The following ACVR1B variants were observed in gnomAD, a reference collection of about 807,000 sequenced individuals.
The protein encoded by ACVR1B is activin A receptor type 1B.
ACVR1B carries 15 observed loss-of-function variants against 55.6 expected under a neutral mutation model. The observed-to-expected ratio is 0.27, with a 90% CI of 0.18 to 0.42. The LOEUF (loss-of-function observed/expected upper bound fraction) is 0.42, where lower values mean the gene tolerates loss of function less well. Ranked by LOEUF, ACVR1B falls within the 10% of genes least tolerant of loss-of-function variation. The pLI is 1.00. For missense variants in ACVR1B, 359 were observed against 670.1 expected, an observed-to-expected ratio of 0.54 and a Z score of 5.13; for synonymous variants, 247 against 254.6, an observed-to-expected ratio of 0.97 and a Z score of 0.28.
At chr12:51,952,504 G>C (rs1941321733) in intron 1 of ACVR1B, among the ~76,000 whole-genome samples, 1 of 152,188 alleles carries the variant, frequency 6.6e-6, no homozygotes, top group African/African-American at 2.4e-5. Flanking sequence ...ATGCCCCGTG[G>C]AGGCTATTTG....
intron 1 of ACVR1B, among the ~76,000 whole-genome samples, chr12:51,963,099 A>G (rs1180812271): frequency 2.0e-5 from 3 of 152,188 alleles, no homozygotes; most frequent in African/African-American, 7.2e-5. Flanking sequence ...ATAGGGATTT[A>G]TGGTAGTAAT....
Position 51,984,137 on chromosome 12 carries a change from A to C in ACVR1B, c.950A>C (p.His317Pro). ...LALSAASGLAHLHMEIVGTQG... is the reference protein window; with the variant it reads ...LALSAASGLAPLHMEIVGTQG... Reference sequence around the variant, plus strand: ...TTGTCTGCTGCTAGTGGGCTGGCACACCTGCACATGGAGATCGTGGGCACC... The same window carrying C: ...TTGTCTGCTGCTAGTGGGCTGGCACCCCTGCACATGGAGATCGTGGGCACC... Residue 317 changes from histidine (H) to proline (P), a missense_variant, in exon 5 of 9, where the codon CAC becomes CCC. His to Pro is a moderately conservative substitution (Grantham distance 77). Around this residue, in one of 5 missense-constraint regions of ACVR1B, gnomAD observed 119 missense variants for 340.2 expected, o/e 0.35. Transcript: ENST00000257963. 1 of 1,614,188 alleles carries C rather than the reference A, an allele frequency of 6.2e-7. No homozygotes were observed.
chr12:51,993,856 C>A, intron 8 of ACVR1B, 129 bp from the exon 9 acceptor site: 1 of 1,093,044 alleles, frequency 9.1e-7, no homozygotes, highest in Non-Finnish European at 1.2e-6. Context: ...CTAAGGTCGG[C>A]CGCCGGGTGG....
intron 1 of ACVR1B, chr12:51,953,465 T>C (rs1941349827): frequency 5.1e-6 from 5 of 985,326 alleles, no homozygotes; most frequent in Non-Finnish European, 6.0e-6. Context: ...TTGAGAAACA[T>C]GGTGAAGGTG....
rs548356331 is a variant in ACVR1B at position 51,952,210 on chromosome 12, C to T, written c.91+376C>T. On this transcript the variant is annotated intron_variant, in intron 1 of 8. Transcript: ENST00000257963. ...ACCGTGTCCAGGGGCGGGGGGCTTTCTTCCCTCCCTCCAGGTGCTCCTGGG... is the reference window on the plus strand; with the variant it reads ...ACCGTGTCCAGGGGCGGGGGGCTTTTTTCCCTCCCTCCAGGTGCTCCTGGG... Among the ~76,000 whole-genome samples the T allele has an allele frequency of 1.2e-4, 18 of 152,268 alleles. No individual in the cohort carries two copies. The South Asian group carries it at 3.3e-3, about 28-fold the overall frequency.
In ACVR1B at chr12:51,981,209, G is replaced by A. The variant is rs1276001655; in HGVS notation, c.811+10G>A. The A allele has an allele frequency of 2.5e-6, 4 of 1,611,326 alleles. No homozygotes were observed. The highest frequency in any genetic ancestry group is 3.4e-6 in the Non-Finnish European group (4 of 1,177,622). The stretch of plus-strand genomic sequence containing the variant: ...GCTGCTGACAATAAAGGTAAGGGCT[G>A]GGCTTGGATACAGCATTCCCAGATA... On this transcript the variant is annotated intron_variant, in intron 4 of 8. Transcript: ENST00000257963.
chr12:51,965,762 CTGAT>C (rs1301715701), intron 1 of ACVR1B, among the ~76,000 whole-genome samples: 5 of 152,206 alleles, frequency 3.3e-5, no homozygotes, highest in Non-Finnish European at 7.3e-5. Context: ...TGATTAGAGA[CTGAT>C]TATCCAAACA....
chr12:51,978,829 CAAAAAAAAAA>C (rs34088542), intron 3 of ACVR1B, among the ~76,000 whole-genome samples: 1 of 48,280 alleles, frequency 2.1e-5, no homozygotes, highest in African/African-American at 6.4e-5. Flanking sequence ...GACTCCGTCT[CAAAAAAAAAA>C]AAAAAAAAAA....
chr12:51,967,228 A>C (rs1004592176), intron 1 of ACVR1B, among the ~76,000 whole-genome samples: 3 of 151,440 alleles, frequency 2.0e-5, no homozygotes, highest in Non-Finnish European at 4.4e-5. Flanking sequence ...CGACAGCGCG[A>C]GACTCCGTCT....
In ACVR1B at chr12:51,970,679, C is replaced by T. The variant is rs140937021; in HGVS notation, c.92-4586C>T. On this transcript the variant is annotated intron_variant, in intron 1 of 8. Coordinates refer to ENST00000257963, the MANE Select transcript of ACVR1B (RefSeq NM_004302.5). ...ATTAGGCTATTCTTATCACTTGGGG[C>T]TGTTTGGTGAATTTCTCATCTGGAA... 4.2e-3 allele frequency among the ~76,000 whole-genome samples: 635 copies of T among 152,162 alleles called. 2 individuals carry two copies. Among genetic ancestry groups the T allele is most frequent in the Non-Finnish European group, 6.8e-3 (462 of 68,016 alleles).
At chr12:51,954,121 A>G (rs1269385588) in intron 1 of ACVR1B, among the ~76,000 whole-genome samples, 2 of 152,106 alleles carry the variant, frequency 1.3e-5, no homozygotes, top group Non-Finnish European at 2.9e-5. Context: ...TGCATTTCCT[A>G]TATAGTGCTC....
intron 3 of ACVR1B, 98 bp from the exon 4 acceptor site, chr12:51,980,871 A>C (rs1416420487): frequency 1.0e-6 from 1 of 967,688 alleles, no homozygotes; most frequent in Non-Finnish European, 1.5e-6. Flanking sequence ...GGATGAAGAC[A>C]CCATGTTAAG....
At position 51,994,137 on chromosome 12, in the gene ACVR1B, C is replaced by CT. The variant is rs768456229; in HGVS notation, c.*28dup. 15 of 1,610,304 alleles carry CT rather than the reference C, an allele frequency of 9.3e-6. No individual in the cohort carries two copies. Among genetic ancestry groups the CT allele is most frequent in the Admixed American group, 6.7e-5 (4 of 59,976 alleles). ...TGCTCCCTCTCTCCACACGGAGCTCCTGGCAGCGAGAACTACGCACAGCTG... is the reference window on the plus strand; with the variant it reads ...TGCTCCCTCTCTCCACACGGAGCTCCTTGGCAGCGAGAACTACGCACAGCTG... On this transcript the variant is annotated 3_prime_UTR_variant, in exon 9 of 9. Coordinates refer to ENST00000257963, the MANE Select transcript of ACVR1B (RefSeq NM_004302.5). The surrounding 1 kb of genome is among the most constrained non-coding windows in gnomAD (Gnocchi z 4.2).
intron 1 of ACVR1B, among the ~76,000 whole-genome samples, chr12:51,970,521 T>A (rs1941726268): frequency 6.6e-6 from 1 of 152,160 alleles, no homozygotes; most frequent in African/African-American, 2.4e-5. Flanking sequence ...ACTGAAAACA[T>A]CCTACCTGAA....
Position 51,981,009 on chromosome 12 carries a change from C to T in ACVR1B, c.621C>T (p.Ile207=), listed in dbSNP as rs1415435029. ...TCCAGCGCACAGTGGCCCGAACCAT[C>T]GTTTTACAAGAGATTATTGGCAAGG... The part of the protein sequence containing the change: ...LFVQRTVART[I]VLQEIIGKGR... The change falls in exon 4 of 9, where the codon ATC becomes ATT. Residue 207 remains isoleucine, a synonymous_variant. Coordinates refer to ENST00000257963, the MANE Select transcript of ACVR1B (RefSeq NM_004302.5). 11 of 1,613,778 alleles carry T rather than the reference C, an allele frequency of 6.8e-6. No homozygotes were observed. The highest frequency in any genetic ancestry group is 1.6e-4 in the Middle Eastern group (1 of 6,084).
rs1442681424 is a variant in ACVR1B, at chr12:51,995,723, C to T, written c.*1613C>T. 2 of 152,484 alleles carry T rather than the reference C, an allele frequency of 1.3e-5. No homozygotes were observed. Among genetic ancestry groups the T allele is most frequent in the East Asian group, 1.9e-4 (1 of 5,192 alleles). 9.4% of individuals were successfully genotyped at this position (152,484 alleles called of 1,614,324 possible). On this transcript the variant is annotated 3_prime_UTR_variant, in exon 9 of 9. Coordinates refer to ENST00000257963, the MANE Select transcript of ACVR1B (RefSeq NM_004302.5). The stretch of plus-strand genomic sequence containing the variant: ...AAATTATCCAATTGAACGCACATAG[C>T]TCAATCACACTGGAAATGTTTGTCC...
chr12:51,996,930 T>C lies in ACVR1B; in HGVS notation c.*2820T>C, dbSNP rs1022569275. 4 of 152,676 alleles carry C rather than the reference T, an allele frequency of 2.6e-5. No individual in the cohort carries two copies. Among genetic ancestry groups the C allele is most frequent in the Non-Finnish European group, 4.4e-5 (3 of 68,050 alleles). 9.5% of individuals were successfully genotyped at this position (152,676 alleles called of 1,614,324 possible). On this transcript the variant is annotated 3_prime_UTR_variant, in exon 9 of 9. Coordinates refer to ENST00000257963, the MANE Select transcript of ACVR1B (RefSeq NM_004302.5). ...CTTCTGTTTGTTTTTGTACATTTTA[T>C]TAGAAAGGACTGTAAAATAGCCACT...
rs1182222392 is a variant in ACVR1B at position 51,996,858 on chromosome 12, G to A, written c.*2748G>A. ...TTCTGGATTCACAGACCAAGTCCAA[G>A]CCCGTTCTTACGTCGCCATAAAGGC... is the stretch of plus-strand genomic sequence containing the variant. On this transcript the variant is annotated 3_prime_UTR_variant, in exon 9 of 9. Transcript: ENST00000257963. The A allele has an allele frequency of 2.0e-5, 3 of 152,566 alleles. No homozygotes were observed. The highest frequency in any genetic ancestry group is 7.2e-5 in the African/African-American group (3 of 41,416). 9.5% of individuals were successfully genotyped at this position (152,566 alleles called of 1,614,324 possible).
intron 4 of ACVR1B, among the ~76,000 whole-genome samples, chr12:51,982,504 C>A (rs1941997981): frequency 6.6e-6 from 1 of 152,166 alleles, no homozygotes; most frequent in African/African-American, 2.4e-5. Flanking sequence ...AGGGGACAGA[C>A]ACGTGGACAG....
Sources: gnomAD v4.1 joint callset for allele counts (sites outside exome capture counted in the v4.1 genomes callset) on GRCh38, gnomAD v4.1.1 for gene constraint, gnomAD v4.1.1 regional missense constraint, Gnocchi (gnomAD v3.1) non-coding constraint, MANE v1.5 for transcripts, NCBI Gene and HGNC (gene_info 2026-07-23, HGNC 2026-07-21) for gene names.